The following STN1 variants were observed in gnomAD, a reference collection of about 807,000 sequenced individuals.
The protein encoded by STN1 is STN1 subunit of CST complex, also known as CST complex subunit STN1.
In STN1, 29 loss-of-function variants were observed where a neutral mutation model predicts 45.5. The ratio of observed to expected loss-of-function variants is 0.64; its 90% CI spans 0.47 to 0.87. The LOEUF is 0.87. Among genes scored for constraint, STN1 ranks in the 40% least tolerant of loss-of-function variants. The pLI, the probability that STN1 is intolerant of heterozygous loss-of-function variation, is 0.00. For synonymous variants in STN1, 148 were observed against 159.0 expected, an observed-to-expected ratio of 0.93 and a Z score of 0.52; for missense variants, 376 against 441.4, an observed-to-expected ratio of 0.85 and a Z score of 1.33.
intron 2 of STN1, among the ~76,000 whole-genome samples, chr10:103,916,663 T>C (rs1460626999): frequency 6.6e-6 from 1 of 152,146 alleles, no homozygotes; most frequent in Non-Finnish European, 1.5e-5. Flanking sequence ...ACTTCTCAAA[T>C]AGCACAGTAA....
At chr10:103,884,255 G>A (rs999987950) in intron 9 of STN1, among the ~76,000 whole-genome samples, 1 of 151,924 alleles carries the variant, frequency 6.6e-6, no homozygotes, top group Non-Finnish European at 1.5e-5. Flanking sequence ...CTTTTAGGTC[G>A]TCGGCAGTAG....
intron 4 of STN1, among the ~76,000 whole-genome samples, chr10:103,902,584 G>A (rs145387807): frequency 1.1e-3 from 174 of 152,172 alleles, no homozygotes; most frequent in African/African-American, 4.0e-3. Flanking sequence ...TTTAACATTC[G>A]AATACTCAGG....
At chr10:103,893,414 C>T (rs753904056) in intron 7 of STN1, among the ~76,000 whole-genome samples, 6 of 152,240 alleles carry the variant, frequency 3.9e-5, no homozygotes, top group Non-Finnish European at 8.8e-5. Flanking sequence ...GTGATCCACC[C>T]GCCTCGGCCT....
Position 103,897,688 on chromosome 10 carries a change from T to C in STN1, c.613A>G (p.Thr205Ala). The change falls in exon 7 of 10, where the codon ACG becomes GCG. Residue 205 changes from threonine (T) to alanine (A), a missense_variant. By Grantham distance (58) the Thr-to-Ala change is moderately conservative (BLOSUM62 0). Coordinates refer to ENST00000224950, the MANE Select transcript of STN1 (RefSeq NM_024928.5). ...TTGGCTTTTTCACTCAGCAAACTCG[T>C]GAGACTGGGGAGGTCCAGGGCGCCT... ...NPGALDLPSL[T>A]SLLSEKAKEF... 6.2e-7 allele frequency: 1 copy of C among 1,614,166 alleles called. No individual in the cohort carries two copies. Among genetic ancestry groups the C allele is most frequent in the Non-Finnish European group, 8.5e-7 (1 of 1,180,020 alleles).
At chr10:103,899,766 G>C (rs1843194835) in intron 5 of STN1, among the ~76,000 whole-genome samples, 1 of 152,166 alleles carries the variant, frequency 6.6e-6, no homozygotes, top group Non-Finnish European at 1.5e-5. Context: ...CTAATGGATT[G>C]ACATTCTGAA....
chr10:103,914,777 T>C (rs1172452017), intron 2 of STN1, among the ~76,000 whole-genome samples: 2 of 152,184 alleles, frequency 1.3e-5, no homozygotes, highest in African/African-American at 4.8e-5. Context: ...AATTCAAATT[T>C]TGAGGAGCTG....
chr10:103,878,898 C>G lies in STN1; in HGVS notation c.*3786G>C, dbSNP rs1189830061. Reference sequence around the variant, plus strand: ...GGGAAGTAAGGCAGGGAGGGTGAGGCTGGTGGTTATCAGGTTAGCTGCTCC... The same window carrying G: ...GGGAAGTAAGGCAGGGAGGGTGAGGGTGGTGGTTATCAGGTTAGCTGCTCC... On this transcript the variant is annotated 3_prime_UTR_variant, in exon 10 of 10. Coordinates refer to ENST00000224950, the MANE Select transcript of STN1 (RefSeq NM_024928.5). 6.6e-6 allele frequency: 1 copy of G among 152,510 alleles called. No homozygotes were observed. The highest frequency in any genetic ancestry group is 1.5e-5 in the Non-Finnish European group (1 of 68,166). The allele number at this position is 152,510 out of a possible 1,614,324, so 9.4% of individuals were successfully genotyped here.
intron 2 of STN1, among the ~76,000 whole-genome samples, chr10:103,916,886 T>C (rs1843336071): frequency 1.3e-5 from 2 of 152,212 alleles, no homozygotes; most frequent in Admixed American, 6.5e-5. Context: ...TGCCAGGCAC[T>C]GTTCTAAGCC....
intron 1 of STN1, among the ~76,000 whole-genome samples, 191 bp from the exon 2 acceptor site, chr10:103,917,847 C>A (rs749034870): frequency 2.0e-5 from 3 of 152,354 alleles, no homozygotes; most frequent in Middle Eastern, 3.4e-3. Context: ...GCGTTCCTTA[C>A]GGCTCTCCCG....
chr10:103,898,143 A>G (rs1323359881), intron 6 of STN1: 2 of 163,050 alleles, frequency 1.2e-5, no homozygotes, highest in East Asian at 1.8e-4. Flanking sequence ...TTCACTTTTT[A>G]TATGAGTCTA....
intron 8 of STN1, among the ~76,000 whole-genome samples, chr10:103,891,892 G>C (rs1439504829): frequency 6.6e-6 from 1 of 152,124 alleles, no homozygotes; most frequent in Non-Finnish European, 1.5e-5. Flanking sequence ...CTTTCCATCT[G>C]CATTTGGTTG....
rs535756970 is a variant in STN1, at chr10:103,912,670, G to A, written c.134-2048C>T. Among the ~76,000 whole-genome samples the A allele has an allele frequency of 1.0e-3, 157 of 152,368 alleles. 1 individual carries two copies. The highest frequency in any genetic ancestry group is 3.7e-3 in the African/African-American group (153 of 41,588). On this transcript the variant is annotated intron_variant, in intron 2 of 9. Coordinates refer to ENST00000224950, the MANE Select transcript of STN1 (RefSeq NM_024928.5). ...GGCATGGTGCTGCTTTGGTGGTCTA[G>A]GTTTGCTGCAGGGCCAGGTGGCCTG...
rs547253171 is a variant in STN1 at position 103,881,898 on chromosome 10, C to T, written c.*786G>A. ...GTGTCAGCACATCCTGCACACTCAG[C>T]GGCAACCCTGAAAATAACATCTACC... is the stretch of plus-strand genomic sequence containing the variant. On this transcript the variant is annotated 3_prime_UTR_variant, in exon 10 of 10. Coordinates refer to ENST00000224950, the MANE Select transcript of STN1 (RefSeq NM_024928.5). 2.2e-4 allele frequency among the ~76,000 whole-genome samples: 33 copies of T among 152,284 alleles called. No homozygotes were observed. Among genetic ancestry groups the T allele is most frequent in the Admixed American group, 1.3e-3 (20 of 15,296 alleles).
At chr10:103,882,991 A>T in intron 9 of STN1, 150 bp from the exon 10 acceptor site, 1 of 755,322 alleles carries the variant, frequency 1.3e-6, no homozygotes, top group Middle Eastern at 3.9e-4. Context: ...CTACCTGATC[A>T]CAAAAACAAA....
chr10:103,901,201 T>C (rs1843208115), intron 4 of STN1, among the ~76,000 whole-genome samples: 1 of 152,218 alleles, frequency 6.6e-6, no homozygotes, highest in Non-Finnish European at 1.5e-5. Context: ...TCTGTTTTCC[T>C]GTCTAGCATA....
At position 103,917,626 on chromosome 10, in the gene STN1, C is replaced by T. The variant is rs768144038; in HGVS notation, c.-32G>A. ...GCAGGGCTGTGGCTTCCAGCTAACT[C>T]TGAAAGGTTCTGCATCACTGAGTCA... On this transcript the variant is annotated 5_prime_UTR_variant, in exon 2 of 10. Coordinates refer to ENST00000224950, the MANE Select transcript of STN1 (RefSeq NM_024928.5). The T allele has an allele frequency of 9.3e-6, 15 of 1,608,372 alleles. No homozygotes were observed. The highest frequency in any genetic ancestry group is 1.1e-5 in the Non-Finnish European group (13 of 1,177,402).
intron 6 of STN1, among the ~76,000 whole-genome samples, chr10:103,897,985 A>C (rs757904990): frequency 6.6e-6 from 1 of 152,226 alleles, no homozygotes; most frequent in Non-Finnish European, 1.5e-5. Flanking sequence ...TTTATATAAA[A>C]AAAATGGAAA....
In STN1 at chr10:103,914,357, T is replaced by C. The variant is rs1339871342; in HGVS notation, c.133+3105A>G. On this transcript the variant is annotated intron_variant, in intron 2 of 9. Transcript: ENST00000224950. ...ATACATATATATATATATATATATA[T>C]ATATATATATATATATATTTTTTTT... Among the ~76,000 whole-genome samples the C allele has an allele frequency of 1.3e-4, 10 of 76,358 alleles. 1 individual carries two copies. The South Asian group carries it at 3.8e-3, about 29-fold the overall frequency. 50.1% of individuals were successfully genotyped at this position (76,358 alleles called of 152,430 possible).
At chr10:103,894,859 A>G (rs1843161565) in intron 7 of STN1, among the ~76,000 whole-genome samples, 1 of 152,152 alleles carries the variant, frequency 6.6e-6, no homozygotes, top group South Asian at 2.1e-4. Flanking sequence ...CAAAGAAACA[A>G]TGGTTTTGCA....
Sources: allele counts gnomAD v4.1 joint callset (sites outside exome capture counted in the v4.1 genomes callset), GRCh38; gene constraint gnomAD v4.1.1; transcripts MANE v1.5; gene names NCBI Gene and HGNC (gene_info 2026-07-23, HGNC 2026-07-21).